Variants in DIAPH2 observed in about 807,000 individuals in gnomAD.
The protein encoded by DIAPH2 is protein diaphanous homolog 2.
Under a neutral mutation model 92.7 loss-of-function variants are expected in DIAPH2, and 35 were observed. That is an observed-to-expected ratio of 0.38 (90% confidence interval 0.29 to 0.50). DIAPH2 has a LOEUF of 0.50. Ranked by LOEUF, DIAPH2 falls within the 20% of genes least tolerant of loss-of-function variation. DIAPH2 has a pLI of 0.94. For synonymous variants in DIAPH2, 301 were observed against 280.4 expected (o/e 1.07, Z -0.73); for missense variants, 701 against 819.5 (o/e 0.86, Z 1.77).
intron 24 of DIAPH2, among the ~76,000 whole-genome samples, chrX:97,378,498 G>GC (rs2069522893): frequency 9.0e-6 from 1 of 111,229 alleles, no homozygotes; most frequent in South Asian, 3.8e-4. Context: ...ACATAGCTGG[G>GC]CTCCATCTGT....
At chrX:97,380,766 G>C (rs1329469890) in intron 24 of DIAPH2, among the ~76,000 whole-genome samples, 6 of 111,361 alleles carry the variant, frequency 5.4e-5, no homozygotes, top group Non-Finnish European at 5.7e-5. Context: ...TTCAGCATGA[G>C]GCCTTTTCAT....
At chrX:96,938,054 AATG>A (rs1425450182) in intron 11 of DIAPH2, among the ~76,000 whole-genome samples, 1 of 111,183 alleles carries the variant, frequency 9.0e-6, no homozygotes, top group Non-Finnish European at 1.9e-5. Context: ...ATTTTTTCTC[AATG>A]ATGTTTTCTT....
chrX:96,787,885 A>C (rs747382159), intron 4 of DIAPH2, among the ~76,000 whole-genome samples: 2 of 99,724 alleles, frequency 2.0e-5, no homozygotes, highest in African/African-American at 7.4e-5. Context: ...TTTATTTTTT[A>C]TTTTTAGTAG....
intron 23 of DIAPH2, among the ~76,000 whole-genome samples, chrX:97,335,689 A>G (rs188480407): frequency 1.2e-3 from 129 of 111,726 alleles, no homozygotes; most frequent in African/African-American, 3.8e-3. Context: ...CATACTGCAT[A>G]CTCTTCTCAT....
At chrX:97,297,272 C>T (rs2068652843) in intron 23 of DIAPH2, among the ~76,000 whole-genome samples, 1 of 108,838 alleles carries the variant, frequency 9.2e-6, no homozygotes, top group East Asian at 2.9e-4. Flanking sequence ...TCTTAAAGAG[C>T]ATATCCAAAT....
intron 17 of DIAPH2, among the ~76,000 whole-genome samples, chrX:97,013,248 A>T (rs771845886): frequency 1.4e-3 from 155 of 112,323 alleles, no homozygotes; most frequent in African/African-American, 4.7e-3. Flanking sequence ...ACCTATAAAA[A>T]GCAGACAGAA....
At chrX:96,968,562 A>C (rs978715783) in intron 17 of DIAPH2, among the ~76,000 whole-genome samples, 3 of 111,241 alleles carry the variant, frequency 2.7e-5, no homozygotes, top group Non-Finnish European at 5.7e-5. Flanking sequence ...TTCTTTGCCC[A>C]CTTTTTAATG....
chrX:97,320,714 CAAAAAAAAAA>C (rs146316009), intron 23 of DIAPH2, among the ~76,000 whole-genome samples: 1,313 of 40,176 alleles, frequency 0.033, 30 homozygotes, highest in African/African-American at 0.1. Context: ...GACTCCGTCT[CAAAAAAAAAA>C]AAAAAAAAAA....
chrX:97,547,150 C>G (rs1307750719), intron 26 of DIAPH2, among the ~76,000 whole-genome samples: 1 of 111,484 alleles, frequency 9.0e-6, no homozygotes, highest in African/African-American at 3.3e-5. Flanking sequence ...GCGAGGACCC[C>G]AGTCAGAAAG....
At chrX:97,247,902 A>T in intron 23 of DIAPH2, 63 bp downstream of exon 23, 19 of 1,054,364 alleles carry the variant, frequency 1.8e-5, no homozygotes, top group Non-Finnish European at 2.5e-5. Flanking sequence ...CTGTTTACTA[A>T]CTGTGTGGTT....
chrX:96,868,545 A>G (rs2065119136), intron 4 of DIAPH2, among the ~76,000 whole-genome samples: 1 of 111,659 alleles, frequency 9.0e-6, no homozygotes, highest in African/African-American at 3.3e-5. Context: ...CCTTTGGTGA[A>G]CAGTTTTTAC....
At chrX:97,240,605 CAAA>C (rs774748522) in intron 22 of DIAPH2, among the ~76,000 whole-genome samples, 4 of 67,961 alleles carry the variant, frequency 5.9e-5, no homozygotes, top group Non-Finnish European at 2.8e-5. Flanking sequence ...GACTGCATCT[CAAA>C]AAAAAAAAAA....
At chrX:97,336,125 T>A (rs914581610) in intron 23 of DIAPH2, among the ~76,000 whole-genome samples, 2 of 111,252 alleles carry the variant, frequency 1.8e-5, no homozygotes, top group African/African-American at 6.5e-5. Context: ...GTGCGTCATC[T>A]TTCAAGAAGC....
At chrX:97,059,024 G>T (rs2066577871) in intron 17 of DIAPH2, among the ~76,000 whole-genome samples, 1 of 111,939 alleles carries the variant, frequency 8.9e-6, no homozygotes, top group Non-Finnish European at 1.9e-5. Flanking sequence ...CGGTCTTAAT[G>T]GATAGATAAA....
rs994653284 is a variant in DIAPH2 at position 97,008,025 on chromosome X, G to A, written c.2050+42818G>A. Reference sequence around the variant, plus strand: ...GATCCGCCTGCCTTGGCCTCCCAAAGTGCTGGGATTACAGATGTGAGCCAC... The same window carrying A: ...GATCCGCCTGCCTTGGCCTCCCAAAATGCTGGGATTACAGATGTGAGCCAC... On this transcript the variant is annotated intron_variant, in intron 17 of 26. Transcript: ENST00000324765. Among the ~76,000 whole-genome samples the A allele has an allele frequency of 9.7e-5, 10 of 102,815 alleles. 1 individual carries two copies. The East Asian group carries it at 1.8e-3, about 19-fold the overall frequency. The allele number at this position is 102,815 out of a possible 115,157, so 89.3% of individuals were successfully genotyped here.
chrX:97,077,576 A>T (rs1214898453), intron 19 of DIAPH2, among the ~76,000 whole-genome samples: 1 of 112,129 alleles, frequency 8.9e-6, no homozygotes, highest in African/African-American at 3.2e-5. Flanking sequence ...CCAGAACTTG[A>T]ATTAACAGTA....
chrX:96,898,744 G>C lies in DIAPH2; in HGVS notation c.588-13584G>C, dbSNP rs1285271884. On this transcript the variant is annotated intron_variant, in intron 5 of 26. Coordinates refer to ENST00000324765, the MANE Select transcript of DIAPH2 (RefSeq NM_006729.5). ...TCTTTAGTTTAATTAGATCCCATTT[G>C]TCAATTTTGTCTTTTGTTGCCATTG... is the stretch of plus-strand genomic sequence containing the variant. 2.7e-4 allele frequency among the ~76,000 whole-genome samples: 28 copies of C among 105,446 alleles called. No individual in the cohort carries two copies. In the East Asian group the frequency reaches 8.5e-3, roughly 32 times the overall value. 91.6% of individuals were successfully genotyped at this position (105,446 alleles called of 115,157 possible).
At chrX:97,546,755 G>A (rs1029147180) in intron 26 of DIAPH2, among the ~76,000 whole-genome samples, 4 of 110,509 alleles carry the variant, frequency 3.6e-5, no homozygotes, top group African/African-American at 1.3e-4. Context: ...AAAATCACTC[G>A]AACCCAGGAG....
intron 4 of DIAPH2, among the ~76,000 whole-genome samples, chrX:96,782,551 G>A (rs186498537): frequency 9.0e-6 from 1 of 110,968 alleles, no homozygotes; most frequent in Non-Finnish European, 1.9e-5. Flanking sequence ...CGCCCGCCTC[G>A]GCCTCCCAAA....
Sources: gnomAD v4.1 joint callset for allele counts (sites outside exome capture counted in the v4.1 genomes callset) on GRCh38, gnomAD v4.1.1 for gene constraint, MANE v1.5 for transcripts, NCBI Gene and HGNC (gene_info 2026-07-23, HGNC 2026-07-21) for gene names.